Variants in ST7 observed in about 807,000 individuals in gnomAD.
ST7 encodes suppressor of tumorigenicity 7 protein.
A neutral mutation model predicts 78.7 loss-of-function variants in ST7; 28 were observed. The ratio of observed to expected loss-of-function variants is 0.36; its 90% CI spans 0.26 to 0.49. The LOEUF is 0.49. Among genes scored for constraint, ST7 ranks in the 20% least tolerant of loss-of-function variants. The pLI, the probability that ST7 is intolerant of heterozygous loss-of-function variation, is 0.99. For missense variants in ST7, 418 were observed against 696.0 expected (o/e 0.60, Z 4.49); for synonymous variants, 247 against 249.6 (o/e 0.99, Z 0.10).
At chr7:117,209,975 A>G (rs778158313) in intron 13 of ST7, 38 bp downstream of exon 13, 3 of 1,599,796 alleles carry the variant, frequency 1.9e-6, no homozygotes, top group Non-Finnish European at 1.7e-6. Flanking sequence ...TTTTAAGAGC[A>G]TGAAAAGGTG....
At chr7:117,194,316 A>G (rs934585284) in intron 12 of ST7, among the ~76,000 whole-genome samples, 1 of 152,030 alleles carries the variant, frequency 6.6e-6, no homozygotes, top group Non-Finnish European at 1.5e-5. Context: ...CTTGTTTTTC[A>G]TTTTTTCCAC....
intron 9 of ST7, chr7:117,145,382 AT>A (rs1805683031): frequency 6.6e-6 from 1 of 152,122 alleles, no homozygotes; most frequent in African/African-American, 2.4e-5. Flanking sequence ...AACAACAGAA[AT>A]TTATTCTCTC....
chr7:117,109,312 A>G (rs1213856553), intron 2 of ST7, among the ~76,000 whole-genome samples: 1 of 149,776 alleles, frequency 6.7e-6, no homozygotes, highest in Non-Finnish European at 1.5e-5. Context: ...TTGATAGACC[A>G]TTGGTGAGAT....
chr7:116,969,163 T>G (rs988070377), intron 1 of ST7, among the ~76,000 whole-genome samples: 2 of 152,232 alleles, frequency 1.3e-5, no homozygotes, highest in Non-Finnish European at 2.9e-5. Context: ...TTTGATAACT[T>G]TACAATTTTG....
At chr7:117,008,877 C>CT (rs980937299) in intron 1 of ST7, among the ~76,000 whole-genome samples, 29 of 151,574 alleles carry the variant, frequency 1.9e-4, no homozygotes, top group South Asian at 6.3e-4. Flanking sequence ...TATAAGCTAA[C>CT]TTTTTTTTTA....
chr7:117,032,563 C>T (rs982907739), intron 1 of ST7, among the ~76,000 whole-genome samples: 4 of 151,984 alleles, frequency 2.6e-5, no homozygotes, highest in Non-Finnish European at 4.4e-5. Context: ...ACATTTGTCA[C>T]CTTTAAAAAT....
intron 1 of ST7, among the ~76,000 whole-genome samples, chr7:117,077,599 G>A (rs966305679): frequency 2.0e-5 from 3 of 152,156 alleles, no homozygotes; most frequent in African/African-American, 7.2e-5. Flanking sequence ...TGCTACTGCA[G>A]ACATTGTGTT....
chr7:117,208,921 GT>G (rs1792043676), intron 12 of ST7, among the ~76,000 whole-genome samples: 2 of 151,160 alleles, frequency 1.3e-5, no homozygotes, highest in African/African-American at 2.4e-5. Flanking sequence ...GTGTGTGTGT[GT>G]GTGTGTGTGT....
At chr7:117,111,977 A>G (rs1224838351) in intron 2 of ST7, among the ~76,000 whole-genome samples, 1 of 152,202 alleles carries the variant, frequency 6.6e-6, no homozygotes, top group Non-Finnish European at 1.5e-5. Flanking sequence ...TATCCCTATT[A>G]AAATGTGTGT....
chr7:117,146,816 C>T (rs1276065751), intron 9 of ST7, among the ~76,000 whole-genome samples: 1 of 152,126 alleles, frequency 6.6e-6, no homozygotes, highest in African/African-American at 2.4e-5. Context: ...GAGAAAATTA[C>T]GAGTTCAGTT....
chr7:117,047,967 T>C (rs1263388392), intron 1 of ST7, among the ~76,000 whole-genome samples: 3 of 152,204 alleles, frequency 2.0e-5, no homozygotes, highest in Non-Finnish European at 4.4e-5. Flanking sequence ...ACTTAACTAC[T>C]AGTAGCCTAC....
intron 9 of ST7, among the ~76,000 whole-genome samples, chr7:117,165,793 G>A (rs967992861): frequency 2.0e-5 from 3 of 152,164 alleles, no homozygotes; most frequent in African/African-American, 7.2e-5. Context: ...CCTGAAAGTT[G>A]AGGAGCGGCC....
At chr7:117,148,140 A>G (rs984782405) in intron 9 of ST7, among the ~76,000 whole-genome samples, 2 of 151,906 alleles carry the variant, frequency 1.3e-5, no homozygotes, top group Admixed American at 1.3e-4. Context: ...TTCACCTCCA[A>G]CTGTTTATTA....
chr7:117,127,735 A>C (rs1159769160), intron 3 of ST7, among the ~76,000 whole-genome samples: 2 of 151,912 alleles, frequency 1.3e-5, no homozygotes, highest in African/African-American at 4.8e-5. Context: ...GAAGTCATAA[A>C]AGCAATATTT....
chr7:117,147,209 A>G (rs372741502), intron 9 of ST7, among the ~76,000 whole-genome samples: 3 of 151,782 alleles, frequency 2.0e-5, no homozygotes, highest in South Asian at 2.1e-4. Flanking sequence ...TTCTTACTCT[A>G]TTTTACTTAA....
intron 1 of ST7, chr7:116,966,042 C>A (rs1793093106): frequency 4.4e-6 from 2 of 451,748 alleles, no homozygotes; most frequent in South Asian, 3.3e-5. Flanking sequence ...GGTTCATACC[C>A]AACTAACTTT....
chr7:116,955,543 AC>A (rs1387873104), intron 1 of ST7, among the ~76,000 whole-genome samples: 3 of 152,206 alleles, frequency 2.0e-5, no homozygotes, highest in Non-Finnish European at 4.4e-5. Context: ...CACAGGTCCC[AC>A]CTTTCAACAC....
At chr7:117,035,050 C>T (rs1396311366) in intron 1 of ST7, among the ~76,000 whole-genome samples, 1 of 151,248 alleles carries the variant, frequency 6.6e-6, no homozygotes, top group Non-Finnish European at 1.5e-5. Flanking sequence ...AATAATTTTC[C>T]TTCAGACTTT....
chr7:117,229,990 A>G lies in ST7; in HGVS notation c.*133A>G. 2.4e-6 allele frequency: 2 copies of G among 837,660 alleles called. No individual in the cohort carries two copies. Among genetic ancestry groups the G allele is most frequent in the Non-Finnish European group, 4.2e-6 (2 of 479,316 alleles). The allele number at this position is 837,660 out of a possible 1,614,324, so 51.9% of individuals were successfully genotyped here. ...CGAGATTTTAAAATGTTCATGGACT[A>G]TTCCATATTAAAAGCTGTTTTTGTT... is the stretch of plus-strand genomic sequence containing the variant. On this transcript the variant is annotated 3_prime_UTR_variant, in exon 16 of 16. Coordinates refer to ENST00000323984, the MANE Select transcript of ST7 (RefSeq NM_001369598.1).
Sources: gnomAD v4.1 joint callset for allele counts (sites outside exome capture counted in the v4.1 genomes callset) on GRCh38, gnomAD v4.1.1 for gene constraint, MANE v1.5 for transcripts, NCBI Gene and HGNC (gene_info 2026-07-23, HGNC 2026-07-21) for gene names.